The following SLIT2 variants were observed in gnomAD, a reference collection of about 807,000 sequenced individuals.
The protein encoded by SLIT2 is slit homolog 2 protein.
In SLIT2, 41 loss-of-function variants were observed where a neutral mutation model predicts 185.7. The ratio of observed to expected loss-of-function variants is 0.22; its 90% CI spans 0.17 to 0.29. The LOEUF is 0.29. Ranked by LOEUF, SLIT2 falls within the 10% of genes least tolerant of loss-of-function variation. SLIT2 has a pLI of 1.00. For missense variants in SLIT2, 1,571 were observed against 1,909.0 expected (o/e 0.82, Z 3.30); for synonymous variants, 693 against 680.2 (o/e 1.02, Z -0.29).
intron 4 of SLIT2, among the ~76,000 whole-genome samples, chr4:20,440,178 AT>A (rs33933434): frequency 0.22 from 33,322 of 152,112 alleles, 3,863 homozygotes; most frequent in Non-Finnish European, 0.27. Flanking sequence ...ACATCTTGAT[AT>A]ACTTGAAGAA....
intron 4 of SLIT2, among the ~76,000 whole-genome samples, chr4:20,453,976 A>G (rs1342823334): frequency 6.6e-6 from 1 of 152,110 alleles, no homozygotes; most frequent in East Asian, 1.9e-4. Context: ...CCCACACTGT[A>G]CTCTCTTTGT....
chr4:20,495,357 G>A (rs1718139625), intron 9 of SLIT2, among the ~76,000 whole-genome samples: 1 of 152,124 alleles, frequency 6.6e-6, no homozygotes, highest in South Asian at 2.1e-4. Flanking sequence ...ATACATGTGG[G>A]AGCAAGATCA....
Position 20,463,242 on chromosome 4 carries a change from C to G in SLIT2, c.396-4510C>G, listed in dbSNP as rs1314857727. 2.6e-5 allele frequency among the ~76,000 whole-genome samples: 4 copies of G among 151,926 alleles called. No individual in the cohort carries two copies. In the East Asian group the frequency reaches 7.8e-4, roughly 30 times the overall value. ...TCCTGCCACCCACCACCTCCCACCT[C>G]TTTCCCCAGCGTTGAAGGCTGAAAA... On this transcript the variant is annotated intron_variant, in intron 4 of 36. Coordinates refer to ENST00000504154, the MANE Select transcript of SLIT2 (RefSeq NM_004787.4).
intron 4 of SLIT2, among the ~76,000 whole-genome samples, chr4:20,297,116 A>G (rs948095688): frequency 6.6e-6 from 1 of 152,120 alleles, no homozygotes; most frequent in African/African-American, 2.4e-5. Context: ...ATTCGTATGC[A>G]TTTCTTACTG....
At chr4:20,501,895 T>C (rs567822660) in intron 9 of SLIT2, among the ~76,000 whole-genome samples, 1 of 152,180 alleles carries the variant, frequency 6.6e-6, no homozygotes, top group Non-Finnish European at 1.5e-5. Context: ...TCAAAAGGCT[T>C]CATATATCCA....
chr4:20,573,472 AT>A (rs1725802230), intron 29 of SLIT2, among the ~76,000 whole-genome samples: 1 of 152,236 alleles, frequency 6.6e-6, no homozygotes, highest in Non-Finnish European at 1.5e-5. Context: ...CAATTTATCT[AT>A]TGTTAGAAGA....
chr4:20,278,771 C>T (rs1379054062), intron 4 of SLIT2, among the ~76,000 whole-genome samples: 3 of 121,812 alleles, frequency 2.5e-5, no homozygotes, highest in Non-Finnish European at 4.8e-5. Flanking sequence ...TTTGTCATAC[C>T]AACTGATATT....
rs111792612 is a variant in SLIT2, at chr4:20,596,380, G to T, written c.3321-35G>T. 1.7e-5 allele frequency: 28 copies of T among 1,600,318 alleles called. No individual in the cohort carries two copies. In the African/African-American group the frequency reaches 1.9e-4, roughly 11 times the overall value. ...TTCAGATTGGCAATTAAGTAAAATC[G>T]TATTAACTAATTTTTTTTTCTCCTT... On this transcript the variant is annotated intron_variant, in intron 31 of 36. Transcript: ENST00000504154.
intron 19 of SLIT2, among the ~76,000 whole-genome samples, chr4:20,540,562 G>T (rs994195319): frequency 6.6e-6 from 1 of 151,916 alleles, no homozygotes; most frequent in Non-Finnish European, 1.5e-5. Context: ...TGTATTTCAG[G>T]TCTCTTATAT....
At position 20,542,557 on chromosome 4, in the gene SLIT2, C is replaced by T; in HGVS notation, c.2207C>T (p.Thr736Ile). ...RCPTECTCLD[T>I]VVRCSNKGLK... ...CCTACTGAATGTACTTGCTTGGATA[C>T]AGTCGTCCGATGTAGCAACAAGGGT... The change falls in exon 21 of 37, where the codon ACA (threonine) becomes ATA (isoleucine). Residue 736 changes from threonine to isoleucine, a missense_variant. This residue lies in a region of SLIT2 where 1,202 missense variants were observed against 1,416.4 expected (regional missense o/e 0.85). Transcript: ENST00000504154. 1 of 1,613,758 alleles carries T rather than the reference C, an allele frequency of 6.2e-7. No homozygotes were observed. Among genetic ancestry groups the T allele is most frequent in the Non-Finnish European group, 8.5e-7 (1 of 1,179,722 alleles).
intron 4 of SLIT2, among the ~76,000 whole-genome samples, chr4:20,338,158 C>G (rs1720663338): frequency 6.6e-6 from 1 of 151,986 alleles, no homozygotes; most frequent in African/African-American, 2.4e-5. Flanking sequence ...TTAAATTGTT[C>G]TCATTCAAGT....
chr4:20,527,348 T>A (rs141317613), intron 15 of SLIT2, among the ~76,000 whole-genome samples: 2 of 152,064 alleles, frequency 1.3e-5, no homozygotes, highest in Non-Finnish European at 2.9e-5. Flanking sequence ...TGCAGTGGCA[T>A]GATCTCGGCT....
chr4:20,332,586 G>A lies in SLIT2; in HGVS notation c.395+63705G>A, dbSNP rs376490869. 3.3e-5 allele frequency among the ~76,000 whole-genome samples: 5 copies of A among 152,122 alleles called. No individual in the cohort carries two copies. The South Asian group carries it at 6.2e-4, about 19-fold the overall frequency. The stretch of plus-strand genomic sequence containing the variant: ...AATTCCACCTATTTGGGAGACTGAG[G>A]CGGGAGAATTGCTTGAAACCTGAGT... On this transcript the variant is annotated intron_variant, in intron 4 of 36. Coordinates refer to ENST00000504154, the MANE Select transcript of SLIT2 (RefSeq NM_004787.4).
At chr4:20,269,018 T>C (rs1713325031) in intron 4 of SLIT2, 137 bp downstream of exon 4, 1 of 613,096 alleles carries the variant, frequency 1.6e-6, no homozygotes, top group South Asian at 2.1e-5. Flanking sequence ...GTGTTTTTTC[T>C]TTAGGAAATT....
Position 20,253,297 on chromosome 4 carries a change from G to C in SLIT2, c.-519G>C, listed in dbSNP as rs1235260188. On this transcript the variant is annotated 5_prime_UTR_variant, in exon 1 of 37. Coordinates refer to ENST00000504154, the MANE Select transcript of SLIT2 (RefSeq NM_004787.4). Reference sequence around the variant, plus strand: ...TCTGCTACGGGCCCGCTGGGCTTCCGCGCCTTCTAGCTTCCGGAGCCCACT... The same window carrying C: ...TCTGCTACGGGCCCGCTGGGCTTCCCCGCCTTCTAGCTTCCGGAGCCCACT... 1 of 154,234 alleles carries C rather than the reference G, an allele frequency of 6.5e-6. No homozygotes were observed. The highest frequency in any genetic ancestry group is 1.4e-5 in the Non-Finnish European group (1 of 69,496). 9.6% of individuals were successfully genotyped at this position (154,234 alleles called of 1,614,324 possible).
chr4:20,360,770 T>C (rs1436747524), intron 4 of SLIT2, among the ~76,000 whole-genome samples: 1 of 152,102 alleles, frequency 6.6e-6, no homozygotes, highest in East Asian at 1.9e-4. Flanking sequence ...TCAGAAGCAA[T>C]AACAGTTGTA....
chr4:20,584,812 T>C (rs1726911701), intron 29 of SLIT2, among the ~76,000 whole-genome samples: 1 of 152,146 alleles, frequency 6.6e-6, no homozygotes, highest in African/African-American at 2.4e-5. Flanking sequence ...CCCAGCACTT[T>C]GGGAGGCCAA....
At chr4:20,537,951 A>G (rs1722445701) in intron 18 of SLIT2, among the ~76,000 whole-genome samples, 2 of 151,816 alleles carry the variant, frequency 1.3e-5, no homozygotes, top group African/African-American at 2.4e-5. Flanking sequence ...TCTTTTTTAA[A>G]ATTTTTATCT....
chr4:20,403,085 T>C (rs1726484586), intron 4 of SLIT2, among the ~76,000 whole-genome samples: 1 of 151,886 alleles, frequency 6.6e-6, no homozygotes. Context: ...AAAATGAAGT[T>C]TGGCTCTATT....
Sources: allele counts gnomAD v4.1 joint callset (sites outside exome capture counted in the v4.1 genomes callset), GRCh38; gene constraint gnomAD v4.1.1; regional missense constraint gnomAD v4.1.1; transcripts MANE v1.5; gene names NCBI Gene and HGNC (gene_info 2026-07-23, HGNC 2026-07-21).